Variants in ATF3 observed in about 807,000 individuals in gnomAD.
The protein encoded by ATF3 is cyclic AMP-dependent transcription factor ATF-3.
ATF3 carries 10 observed loss-of-function variants against 18.4 expected under a neutral mutation model. The observed-to-expected ratio is 0.54, with a 90% CI of 0.34 to 0.92. The LOEUF (loss-of-function observed/expected upper bound fraction) is 0.92. ATF3 is among the 40% of genes least tolerant of loss of function. ATF3 has a pLI of 0.02. For missense variants in ATF3, 183 were observed against 222.3 expected (o/e 0.82, Z 1.12); for synonymous variants, 78 against 87.9 (o/e 0.89, Z 0.63).
chr1:212,611,819 T>TGATA, intron 1 of ATF3, among the ~76,000 whole-genome samples: 1 of 152,318 alleles, frequency 6.6e-6, no homozygotes, highest in South Asian at 2.1e-4. Context: ...AAACTGCCAA[T>TGATA]GATACAACAT....
intron 2 of ATF3, among the ~76,000 whole-genome samples, chr1:212,617,917 TTTG>T (rs1558242119): frequency 1.3e-5 from 2 of 149,968 alleles, no homozygotes; most frequent in Admixed American, 6.7e-5. Context: ...AACTTTGATT[TTTG>T]TTGTTCACTC....
Position 212,615,128 on chromosome 1 carries a change from A to G in ATF3, c.107A>G (p.Asn36Ser), listed in dbSNP as rs1268526170. 6.2e-7 allele frequency: 1 copy of G among 1,614,180 alleles called. No homozygotes were observed. The highest frequency in any genetic ancestry group is 8.5e-7 in the Non-Finnish European group (1 of 1,180,016). Reference protein sequence around the residue: ...PGSLVFEDFANLTPFVKEELR... With the variant: ...PGSLVFEDFASLTPFVKEELR... ...TCACTGGTGTTTGAGGATTTTGCTA[A>G]CCTGACGCCCTTTGTCAAGGAAGAG... The change falls in exon 2 of 4, where the codon AAC becomes AGC. Residue 36 changes from asparagine (N) to serine (S), a missense_variant. By Grantham distance (46) the Asn-to-Ser change is conservative (BLOSUM62 1). Transcript: ENST00000341491.
intron 1 of ATF3, among the ~76,000 whole-genome samples, chr1:212,572,876 T>C (rs1405694224): frequency 6.6e-6 from 1 of 152,230 alleles, no homozygotes; most frequent in Non-Finnish European, 1.5e-5. Context: ...AATAGTTCTA[T>C]ATAGAAAAGC....
rs555817840 is a variant in ATF3, at chr1:212,572,634, T to C, written c.-5+7151T>C. On this transcript the variant is annotated intron_variant, in intron 1 of 3. Coordinates refer to the ATF3 transcript ENST00000366981. ...GAAAAGAATACTATTGAGATTTTTA[T>C]TGAAATTATATTGACCATTCAAATT... 4.6e-5 allele frequency among the ~76,000 whole-genome samples: 7 copies of C among 152,358 alleles called. 2 individuals are homozygous for C. Among genetic ancestry groups the C allele is most frequent in the African/African-American group, 1.4e-4 (6 of 41,594 alleles).
At position 212,615,130 on chromosome 1, in the gene ATF3, C is replaced by T. The variant is rs764156991; in HGVS notation, c.109C>T (p.Leu37=). 2 of 1,614,224 alleles carry T rather than the reference C, an allele frequency of 1.2e-6. No homozygotes were observed. The highest frequency in any genetic ancestry group is 4.5e-5 in the East Asian group (2 of 44,894). ...GSLVFEDFAN[L]TPFVKEELRF... is the part of the protein sequence containing the mutation. The stretch of plus-strand genomic sequence containing the variant: ...ACTGGTGTTTGAGGATTTTGCTAAC[C>T]TGACGCCCTTTGTCAAGGAAGAGCT... The change falls in exon 2 of 4, where the codon CTG becomes TTG. Residue 37 remains leucine, a synonymous_variant. Coordinates refer to ENST00000341491, the MANE Select transcript of ATF3 (RefSeq NM_001674.4).
At chr1:212,608,143 C>T (rs986960004), upstream of ATF3, among the ~76,000 whole-genome samples, 1 of 152,250 alleles carries the variant, frequency 6.6e-6, no homozygotes, top group African/African-American at 2.4e-5. Flanking sequence ...ACTTTGGACA[C>T]CTTCCCCACA....
chr1:212,619,598 C>T lies in ATF3; in HGVS notation c.*43C>T. ...GCGACTGGGGAGTCCTCATTGAATCCTCATTTTATACCCAAAACCCTGAAG... is the reference window on the plus strand; with the variant it reads ...GCGACTGGGGAGTCCTCATTGAATCTTCATTTTATACCCAAAACCCTGAAG... On this transcript the variant is annotated 3_prime_UTR_variant, in exon 4 of 4. Coordinates refer to ENST00000341491, the MANE Select transcript of ATF3 (RefSeq NM_001674.4). This position sits in a 1 kb window ranked among gnomAD's most constrained non-coding sequence, Gnocchi z 4.4. 1.2e-6 allele frequency: 2 copies of T among 1,607,608 alleles called. No homozygotes were observed. The highest frequency in any genetic ancestry group is 2.2e-5 in the East Asian group (1 of 44,730).
chr1:212,584,925 A>G (rs1167690191), intron 1 of ATF3, among the ~76,000 whole-genome samples: 1 of 152,168 alleles, frequency 6.6e-6, no homozygotes, highest in Non-Finnish European at 1.5e-5. Flanking sequence ...GTGTGTGAGG[A>G]TACCTGGGAC....
In ATF3 at chr1:212,619,695, G is replaced by A; in HGVS notation, c.*140G>A. ...GAGAACCATCAAGGCGGGAGGGCCT[G>A]CAGTGATTCAGCAGGCCCTTCCCAT... On this transcript the variant is annotated 3_prime_UTR_variant, in exon 4 of 4. Transcript: ENST00000341491. This position sits in a 1 kb window ranked among gnomAD's most constrained non-coding sequence, Gnocchi z 4.4. 8.2e-7 allele frequency: 1 copy of A among 1,215,262 alleles called. No individual in the cohort carries two copies. The highest frequency in any genetic ancestry group is 1.2e-6 in the Non-Finnish European group (1 of 865,754). The allele number at this position is 1,215,262 out of a possible 1,614,324, so 75.3% of individuals were successfully genotyped here.
rs551718083 is a variant in ATF3 at position 212,620,051 on chromosome 1, T to C, written c.*496T>C. 5.3e-5 allele frequency: 10 copies of C among 189,536 alleles called. No homozygotes were observed. The highest frequency in any genetic ancestry group is 2.3e-4 in the African/African-American group (10 of 42,662). The allele number at this position is 189,536 out of a possible 1,614,324, so 11.7% of individuals were successfully genotyped here. On this transcript the variant is annotated 3_prime_UTR_variant, in exon 4 of 4. Transcript: ENST00000341491. ...GCAAATATGCTGTTATGTCCAGAAA[T>C]TGTGTGTGCAAGAAAACTAGGCAAT...
upstream of ATF3, among the ~76,000 whole-genome samples, chr1:212,605,556 G>C (rs1192158873): frequency 6.6e-6 from 1 of 152,226 alleles, no homozygotes; most frequent in African/African-American, 2.4e-5. Flanking sequence ...CAGAGTAATG[G>C]GGCAGAGGAA....
At chr1:212,576,281 T>C (rs938826171) in intron 1 of ATF3, among the ~76,000 whole-genome samples, 25 of 152,094 alleles carry the variant, frequency 1.6e-4, no homozygotes, top group African/African-American at 4.6e-4. Context: ...CTCCACTGTA[T>C]CTATTTCTAT....
chr1:212,579,054 C>G (rs1352433746), intron 1 of ATF3, among the ~76,000 whole-genome samples: 1 of 146,252 alleles, frequency 6.8e-6, no homozygotes, highest in Non-Finnish European at 1.5e-5. Context: ...CTCTGTTGCC[C>G]AGGCTGGAGT....
At chr1:212,609,101 C>T (rs1158928027) in intron 1 of ATF3, among the ~76,000 whole-genome samples, 171 bp downstream of exon 1, 1 of 152,264 alleles carries the variant, frequency 6.6e-6, no homozygotes, top group Non-Finnish European at 1.5e-5. Flanking sequence ...CACCGCTGCT[C>T]CTCGGCGCTT....
intron 1 of ATF3, among the ~76,000 whole-genome samples, chr1:212,583,977 C>T (rs3106401): frequency 0.3 from 45,032 of 151,952 alleles, 6,874 homozygotes; most frequent in South Asian, 0.37. Context: ...CAAAACAGAC[C>T]GTATCTCTGC....
intron 1 of ATF3, among the ~76,000 whole-genome samples, chr1:212,587,008 T>C (rs2102630787): frequency 6.6e-6 from 1 of 152,298 alleles, no homozygotes; most frequent in East Asian, 1.9e-4. Flanking sequence ...CTCTGGGGAC[T>C]TTCTGTCTCT....
At position 212,615,013 on chromosome 1, in the gene ATF3, T is replaced by C; in HGVS notation, c.-4-5T>C. On this transcript the variant is annotated splice_polypyrimidine_tract_variant and splice_region_variant and intron_variant, in intron 1 of 3. Transcript: ENST00000341491. The stretch of plus-strand genomic sequence containing the variant: ...AAACAGTTTGGGTTTCAATGTGTCT[T>C]TCAGCAAAATGATGCTTCAACACCC... 6.2e-7 allele frequency: 1 copy of C among 1,614,206 alleles called. No homozygotes were observed. Among genetic ancestry groups the C allele is most frequent in the Non-Finnish European group, 8.5e-7 (1 of 1,180,030 alleles).
intron 2 of ATF3, among the ~76,000 whole-genome samples, chr1:212,616,250 G>T (rs1655118344): frequency 6.6e-6 from 1 of 151,868 alleles, no homozygotes; most frequent in Admixed American, 6.6e-5. Context: ...AGGCTTTTGA[G>T]CAGAGAAGCA....
upstream of ATF3, among the ~76,000 whole-genome samples, chr1:212,607,084 G>T (rs1052647462): frequency 6.6e-6 from 1 of 152,232 alleles, no homozygotes; most frequent in Admixed American, 6.5e-5. Flanking sequence ...CCGCCGGGGC[G>T]CAAAGACTTC....
Sources: gnomAD v4.1 joint callset for allele counts (sites outside exome capture counted in the v4.1 genomes callset) on GRCh38, gnomAD v4.1.1 for gene constraint, Gnocchi (gnomAD v3.1) non-coding constraint, MANE v1.5 for transcripts, NCBI Gene and HGNC (gene_info 2026-07-23, HGNC 2026-07-21) for gene names.